The following GULP1 variants were observed in gnomAD, a reference collection of about 807,000 sequenced individuals.
GULP1 encodes the protein PTB domain-containing engulfment adapter protein 1.
In GULP1, 19 loss-of-function variants were observed where a neutral mutation model predicts 40.9. That is an observed-to-expected ratio of 0.46 (90% CI 0.32 to 0.68). The LOEUF is 0.68. Ranked by LOEUF, GULP1 falls within the 30% of genes least tolerant of loss-of-function variation. The pLI is 0.03. For synonymous variants in GULP1, 119 were observed against 117.6 expected, an observed-to-expected ratio of 1.01 and a Z score of -0.08; for missense variants, 312 against 362.2, an observed-to-expected ratio of 0.86 and a Z score of 1.12.
At chr2:188,436,930 A>G (rs1212712995) in intron 2 of GULP1, among the ~76,000 whole-genome samples, 1 of 152,072 alleles carries the variant, frequency 6.6e-6, no homozygotes, top group Non-Finnish European at 1.5e-5. Flanking sequence ...ATACATAAAA[A>G]CAATAAAATG....
chr2:188,307,978 G>A (rs2037396668), intron 1 of GULP1, among the ~76,000 whole-genome samples: 1 of 115,068 alleles, frequency 8.7e-6, no homozygotes, highest in Admixed American at 9.4e-5. Flanking sequence ...CACTACGCCA[G>A]CAATTTTTCA....
intron 5 of GULP1, among the ~76,000 whole-genome samples, chr2:188,527,457 A>G (rs553068053): frequency 3.3e-5 from 5 of 152,304 alleles, no homozygotes; most frequent in African/African-American, 9.6e-5. Context: ...TTGCTTAATT[A>G]TGCTGATATA....
At chr2:188,569,443 C>A in intron 8 of GULP1, 88 bp downstream of exon 8, 1 of 785,302 alleles carries the variant, frequency 1.3e-6, no homozygotes, top group Non-Finnish European at 2.3e-6. Context: ...GAAGCCCTGC[C>A]ATTAAATTTC....
intron 7 of GULP1, among the ~76,000 whole-genome samples, chr2:188,557,972 A>G (rs2153400046): frequency 6.6e-6 from 1 of 152,290 alleles, no homozygotes; most frequent in Middle Eastern, 3.4e-3. Context: ...CTGGCCCATG[A>G]AACCATTCTT....
chr2:188,317,809 A>G (rs1195471431), intron 1 of GULP1, among the ~76,000 whole-genome samples: 1 of 150,782 alleles, frequency 6.6e-6, no homozygotes, highest in Non-Finnish European at 1.5e-5. Context: ...TTTTTTTTAT[A>G]TTGTGGCATA....
At chr2:188,515,792 T>C (rs2065113999) in intron 4 of GULP1, among the ~76,000 whole-genome samples, 1 of 151,988 alleles carries the variant, frequency 6.6e-6, no homozygotes, top group South Asian at 2.1e-4. Flanking sequence ...TACCCAGCAC[T>C]TAGTAAATGC....
intron 2 of GULP1, among the ~76,000 whole-genome samples, chr2:188,432,903 A>G (rs2152827120): frequency 6.6e-6 from 1 of 152,228 alleles, no homozygotes; most frequent in East Asian, 1.9e-4. Flanking sequence ...ACACACAAAC[A>G]CAAAGATCAT....
At chr2:188,392,074 G>C (rs1183477561) in intron 2 of GULP1, among the ~76,000 whole-genome samples, 2 of 151,810 alleles carry the variant, frequency 1.3e-5, no homozygotes, top group Admixed American at 1.3e-4. Flanking sequence ...TTGTTTTCTT[G>C]TTTTATTATG....
At chr2:188,408,769 G>C (rs1056221245) in intron 2 of GULP1, among the ~76,000 whole-genome samples, 1 of 152,172 alleles carries the variant, frequency 6.6e-6, no homozygotes, top group Non-Finnish European at 1.5e-5. Context: ...TATCTTAGAT[G>C]ATGATACAAG....
At chr2:188,374,141 G>A (rs1197795021) in intron 1 of GULP1, among the ~76,000 whole-genome samples, 6 of 151,440 alleles carry the variant, frequency 4.0e-5, no homozygotes, top group Admixed American at 3.9e-4. Context: ...TCCCTTTTTT[G>A]CTTCTAACAA....
intron 9 of GULP1, among the ~76,000 whole-genome samples, chr2:188,577,960 T>C (rs912014596): frequency 1.3e-5 from 2 of 151,980 alleles, no homozygotes; most frequent in African/African-American, 4.8e-5. Context: ...GTTTTTTAAC[T>C]AGAAAAAATT....
At chr2:188,527,057 T>C (rs1398938195) in intron 5 of GULP1, among the ~76,000 whole-genome samples, 1 of 152,126 alleles carries the variant, frequency 6.6e-6, no homozygotes, top group African/African-American at 2.4e-5. Context: ...TTCCCTCTCT[T>C]CCTTTCTTCC....
chr2:188,548,961 A>G (rs1692711314), intron 7 of GULP1, among the ~76,000 whole-genome samples: 2 of 151,862 alleles, frequency 1.3e-5, no homozygotes, highest in Admixed American at 6.6e-5. Flanking sequence ...TTAACTGAAA[A>G]TTCATCATGG....
chr2:188,493,854 G>A (rs1237794291), intron 4 of GULP1, among the ~76,000 whole-genome samples: 1 of 151,998 alleles, frequency 6.6e-6, no homozygotes, highest in Non-Finnish European at 1.5e-5. Context: ...AGTTTTCATT[G>A]GGTTGCGTCA....
chr2:188,538,558 A>G (rs1408603290), intron 6 of GULP1, among the ~76,000 whole-genome samples: 3 of 152,092 alleles, frequency 2.0e-5, no homozygotes, highest in Non-Finnish European at 2.9e-5. Context: ...ACCCATATAT[A>G]TAAAGTACCA....
intron 11 of GULP1, 70 bp from the exon 12 acceptor site, chr2:188,593,870 T>G: frequency 1.2e-6 from 1 of 850,386 alleles, no homozygotes; most frequent in Non-Finnish European, 2.0e-6. Context: ...TAGTGCATAG[T>G]CTTTTTTATT....
chr2:188,584,126 A>G (rs1701883144), intron 9 of GULP1, 139 bp from the exon 10 acceptor site: 1 of 551,096 alleles, frequency 1.8e-6, no homozygotes, highest in South Asian at 3.6e-5. Context: ...ATACTTAACT[A>G]TTTTTGGTCT....
chr2:188,529,282 A>C (rs887418495), intron 6 of GULP1, 87 bp downstream of exon 6: 33 of 676,056 alleles, frequency 4.9e-5, no homozygotes, highest in Middle Eastern at 3.7e-4. Flanking sequence ...ATTTTTTGCC[A>C]CCCTGAACTG....
At chr2:188,305,694 A>G (rs950746187) in intron 1 of GULP1, among the ~76,000 whole-genome samples, 6 of 152,220 alleles carry the variant, frequency 3.9e-5, no homozygotes, top group African/African-American at 1.2e-4. Context: ...TTTTGTCTGC[A>G]TATTCCTTTG....
Sources: allele counts gnomAD v4.1 joint callset (sites outside exome capture counted in the v4.1 genomes callset), GRCh38; gene constraint gnomAD v4.1.1; transcripts MANE v1.5; gene names NCBI Gene and HGNC (gene_info 2026-07-23, HGNC 2026-07-21).